KIF15: variants seen among roughly 807,000 people sequenced by gnomAD.
The protein encoded by KIF15 is kinesin-like protein KIF15.
Under a neutral mutation model 190.6 loss-of-function variants are expected in KIF15, and 140 were observed. The observed-to-expected ratio is 0.73, with a 90% CI of 0.64 to 0.84. KIF15 has a LOEUF of 0.84. Ranked by LOEUF, KIF15 falls within the 40% of genes least tolerant of loss-of-function variation. KIF15 has a pLI of 0.00. For synonymous variants in KIF15, 528 were observed against 551.3 expected, an observed-to-expected ratio of 0.96 and a Z score of 0.59; for missense variants, 1,372 against 1,584.4, an observed-to-expected ratio of 0.87 and a Z score of 2.28.
chr3:44,862,613 T>C (rs559690039), intron 6 of KIF15: 2 of 152,394 alleles, frequency 1.3e-5, no homozygotes, highest in South Asian at 4.1e-4. Context: ...CCAGGAAAAT[T>C]GGGAGTTTGG....
At position 44,843,013 on chromosome 3, in the gene KIF15, GTC is replaced by G. The variant is rs1698676726; in HGVS notation, c.3586-108_3586-107del. On this transcript the variant is annotated intron_variant, in intron 29 of 34. Coordinates refer to ENST00000326047, the MANE Select transcript of KIF15 (RefSeq NM_020242.3). ...TTCATGCAGCAATACCCAGTGCAGT[GTC>G]TCTGCATAGGAACTTAAAAGAGGAA... 5 of 702,522 alleles carry G rather than the reference GTC, an allele frequency of 7.1e-6. No individual in the cohort carries two copies. In the South Asian group the frequency reaches 7.7e-5, roughly 11 times the overall value. The allele number at this position is 702,522 out of a possible 1,614,324, so 43.5% of individuals were successfully genotyped here.
intron 1 of KIF15, among the ~76,000 whole-genome samples, chr3:44,763,691 C>T (rs1024941150): frequency 2.1e-5 from 3 of 145,908 alleles, no homozygotes; most frequent in Admixed American, 6.9e-5. Context: ...CGATTCCCCC[C>T]TTTTTTTTTT....
chr3:44,775,862 T>G (rs1705860271), intron 3 of KIF15, among the ~76,000 whole-genome samples: 2 of 151,516 alleles, frequency 1.3e-5, no homozygotes, highest in Non-Finnish European at 2.9e-5. Context: ...GGGCAAATCA[T>G]GAGGTCAGGA....
chr3:44,861,541 T>A (rs142341049), intron 6 of KIF15, among the ~76,000 whole-genome samples: 16 of 152,274 alleles, frequency 1.1e-4, no homozygotes, highest in African/African-American at 3.4e-4. Context: ...CTGGTCGACG[T>A]GGATGGACTC....
At chr3:44,827,658 G>T (rs1009380405) in intron 23 of KIF15, 130 bp downstream of exon 23, 1 of 535,450 alleles carries the variant, frequency 1.9e-6, no homozygotes, top group South Asian at 3.1e-5. Flanking sequence ...GGAATTTGGG[G>T]CTGGTTCTAT....
In KIF15 at chr3:44,811,853, C is replaced by T. The variant is rs755270925; in HGVS notation, c.2170-329C>T. ...GTCCTTTCCAGGCCATGGAGGTAACCGCTTGCAGCCCTGAGGAAGCTTCTT... is the reference window on the plus strand; with the variant it reads ...GTCCTTTCCAGGCCATGGAGGTAACTGCTTGCAGCCCTGAGGAAGCTTCTT... On this transcript the variant is annotated intron_variant, in intron 17 of 34. Coordinates refer to ENST00000326047, the MANE Select transcript of KIF15 (RefSeq NM_020242.3). 1.7e-3 allele frequency among the ~76,000 whole-genome samples: 261 copies of T among 152,236 alleles called. 2 individuals are homozygous for T. Among genetic ancestry groups the T allele is most frequent in the Non-Finnish European group, 1.6e-3 (109 of 68,000 alleles).
chr3:44,848,108 A>G (rs1698931734), intron 31 of KIF15, 51 bp downstream of exon 31: 1 of 1,099,450 alleles, frequency 9.1e-7, no homozygotes, highest in Non-Finnish European at 1.4e-6. Flanking sequence ...CAATGCTTTT[A>G]TAGTTAGTAT....
At position 44,784,928 on chromosome 3, in the gene KIF15, C is replaced by T. The variant is rs1243736469; in HGVS notation, c.445C>T (p.Arg149Cys). 3.9e-6 allele frequency: 6 copies of T among 1,535,048 alleles called. No homozygotes were observed. The highest frequency in any genetic ancestry group is 4.4e-6 in the Non-Finnish European group (5 of 1,125,608). Residue 149 changes from arginine (R) to cysteine (C), a missense_variant, in exon 6 of 35, where the codon CGT (arginine) becomes TGT (cysteine). Coordinates refer to ENST00000326047, the MANE Select transcript of KIF15 (RefSeq NM_020242.3). ...SFEYLFSLID[R>C]EKEKAGAGKS... ...TGAATATTTGTTTTCCTTAATTGATCGTGAAAAAGAAAAGGTAAAACAATG... is the reference window on the plus strand; with the variant it reads ...TGAATATTTGTTTTCCTTAATTGATTGTGAAAAAGAAAAGGTAAAACAATG...
chr3:44,813,972 T>A (rs1007694669), intron 19 of KIF15, among the ~76,000 whole-genome samples: 4 of 152,224 alleles, frequency 2.6e-5, no homozygotes, highest in Admixed American at 1.3e-4. Flanking sequence ...AATTCATGAA[T>A]GTTTTAATAT....
At position 44,802,871 on chromosome 3, in the gene KIF15, G is replaced by C; in HGVS notation, c.1567G>C (p.Glu523Gln). 1 of 1,610,364 alleles carries C rather than the reference G, an allele frequency of 6.2e-7. No homozygotes were observed. Among genetic ancestry groups the C allele is most frequent in the Non-Finnish European group, 8.5e-7 (1 of 1,179,026 alleles). The change falls in exon 14 of 35, where the codon GAG becomes CAG. Residue 523 changes from glutamate (E) to glutamine (Q), a missense_variant. Transcript: ENST00000326047. ...YAMENHSLRE[E>Q]NRRLRLLEPV... is the part of the protein sequence containing the mutation. ...TATGGAAAATCATTCCCTCAGGGAG[G>C]AGAATAGAAGACTGAGATTATTAGA...
chr3:44,779,698 G>C (rs1180431129), intron 4 of KIF15, among the ~76,000 whole-genome samples: 2 of 152,030 alleles, frequency 1.3e-5, no homozygotes, highest in Non-Finnish European at 2.9e-5. Flanking sequence ...GCCGGGCGTG[G>C]TGGCAGATGC....
intron 6 of KIF15, chr3:44,865,019 AC>A: frequency 6.2e-7 from 1 of 1,613,560 alleles, no homozygotes; most frequent in Non-Finnish European, 8.5e-7. Flanking sequence ...TGAGTCCCTC[AC>A]AGCTATCTTT....
At position 44,805,185 on chromosome 3, in the gene KIF15, C is replaced by G. The variant is rs755100079; in HGVS notation, c.1829+17C>G. 1 of 1,593,012 alleles carries G rather than the reference C, an allele frequency of 6.3e-7. No individual in the cohort carries two copies. Among genetic ancestry groups the G allele is most frequent in the Non-Finnish European group, 8.5e-7 (1 of 1,170,092 alleles). On this transcript the variant is annotated intron_variant, in intron 15 of 34. Transcript: ENST00000326047. ...ACTTACTAGGTAAAGTCTAAATACA[C>G]ATGCATGCACACTTATTTTCTTTCA...
At chr3:44,789,714 G>A (rs1301975466) in intron 7 of KIF15, among the ~76,000 whole-genome samples, 1 of 135,128 alleles carries the variant, frequency 7.4e-6, no homozygotes, top group Non-Finnish European at 1.6e-5. Context: ...TACACATATG[G>A]AAACACAACA....
intron 5 of KIF15, among the ~76,000 whole-genome samples, chr3:44,783,802 T>A (rs1447718433): frequency 6.6e-6 from 1 of 152,250 alleles, no homozygotes; most frequent in Non-Finnish European, 1.5e-5. Context: ...TTCTTGTGCA[T>A]GTCAGCATTT....
chr3:44,794,237 G>C lies in KIF15; in HGVS notation c.660G>C (p.Arg220Ser). ...CATAGGTGTTGTCTGGAGGATGGAG[G>C]AATAGACGTGTGGCATCAACATCAA... ...EAYQVLSGGW[R>S]NRRVASTSMN... The change falls in exon 8 of 35, where the codon AGG becomes AGC. Residue 220 changes from arginine (R) to serine (S), a missense_variant. Physicochemically the swap from Arg to Ser is moderately radical, Grantham distance 110. Transcript: ENST00000326047. 1 of 1,613,562 alleles carries C rather than the reference G, an allele frequency of 6.2e-7. No homozygotes were observed. Among genetic ancestry groups the C allele is most frequent in the East Asian group, 2.2e-5 (1 of 44,860 alleles).
chr3:44,829,915 A>C, intron 24 of KIF15, 56 bp from the exon 25 acceptor site: 1 of 946,020 alleles, frequency 1.1e-6, no homozygotes, highest in Admixed American at 3.0e-5. Context: ...ACCATTTAAA[A>C]ATTTTCTTCT....
At chr3:44,792,708 G>A (rs771375004) in intron 7 of KIF15, among the ~76,000 whole-genome samples, 2 of 151,758 alleles carry the variant, frequency 1.3e-5, no homozygotes, top group Non-Finnish European at 2.9e-5. Flanking sequence ...CACCACACCC[G>A]GCTAATTTTT....
In KIF15 at chr3:44,827,836, C is replaced by T. The variant is rs912798338; in HGVS notation, c.2856+308C>T. On this transcript the variant is annotated intron_variant, in intron 23 of 34. Coordinates refer to ENST00000326047, the MANE Select transcript of KIF15 (RefSeq NM_020242.3). ...TAGCTGGGACTATGGGCATGCACCA[C>T]TATGCCTGGCTAAATTTTTGTATTT... Among the ~76,000 whole-genome samples, 4 of 152,236 alleles carry T rather than the reference C, an allele frequency of 2.6e-5. No individual in the cohort carries two copies. In the East Asian group the frequency reaches 5.8e-4, roughly 22 times the overall value.
Sources: gnomAD v4.1 joint callset for allele counts (sites outside exome capture counted in the v4.1 genomes callset) on GRCh38, gnomAD v4.1.1 for gene constraint, MANE v1.5 for transcripts, NCBI Gene and HGNC (gene_info 2026-07-23, HGNC 2026-07-21) for gene names.